RAB3IP: variants seen among roughly 807,000 people sequenced by gnomAD.
RAB3IP encodes RAB3A interacting protein.
A neutral mutation model predicts 59.1 loss-of-function variants in RAB3IP; 36 were observed. The ratio of observed to expected loss-of-function variants is 0.61; its 90% CI spans 0.47 to 0.80. The LOEUF is 0.80. Among genes scored for constraint, RAB3IP ranks in the 30% least tolerant of loss-of-function variants. The pLI is 0.00. For synonymous variants in RAB3IP, 207 were observed against 191.2 expected, an observed-to-expected ratio of 1.08 and a Z score of -0.68; for missense variants, 511 against 536.0, an observed-to-expected ratio of 0.95 and a Z score of 0.46.
intron 3 of RAB3IP, among the ~76,000 whole-genome samples, chr12:69,782,136 A>G (rs569545069): frequency 5.9e-5 from 9 of 152,234 alleles, no homozygotes; most frequent in Admixed American, 3.3e-4. Flanking sequence ...CCATTCTAGT[A>G]GGTATGCAGG....
At chr12:69,808,847 T>C (rs1233189152) in intron 8 of RAB3IP, among the ~76,000 whole-genome samples, 1 of 152,182 alleles carries the variant, frequency 6.6e-6, no homozygotes, top group Non-Finnish European at 1.5e-5. Flanking sequence ...TCTTGACTCT[T>C]TATCCAATTT....
At chr12:69,784,371 TGGAA>T (rs1875274287) in intron 3 of RAB3IP, among the ~76,000 whole-genome samples, 1 of 151,442 alleles carries the variant, frequency 6.6e-6, no homozygotes, top group Non-Finnish European at 1.5e-5. Flanking sequence ...CCTTACTTGA[TGGAA>T]ATAAATATGT....
chr12:69,762,309 T>G (rs181491447), intron 3 of RAB3IP, among the ~76,000 whole-genome samples: 3 of 152,258 alleles, frequency 2.0e-5, no homozygotes, highest in Admixed American at 6.5e-5. Flanking sequence ...TGCATTCTTA[T>G]TAAGTATAGA....
intron 1 of RAB3IP, among the ~76,000 whole-genome samples, chr12:69,750,478 A>C (rs910988839): frequency 6.6e-6 from 1 of 151,908 alleles, no homozygotes; most frequent in Admixed American, 6.5e-5. Context: ...TCAAAGAAGA[A>C]TCCAAACAAG....
intron 6 of RAB3IP, among the ~76,000 whole-genome samples, chr12:69,796,883 T>C (rs1290321988): frequency 6.6e-6 from 1 of 152,250 alleles, no homozygotes; most frequent in Non-Finnish European, 1.5e-5. Flanking sequence ...AAGTGTCTTC[T>C]CATGGAACAT....
intron 3 of RAB3IP, among the ~76,000 whole-genome samples, chr12:69,772,324 AGG>A (rs1873265159): frequency 6.6e-6 from 1 of 152,120 alleles, no homozygotes; most frequent in Non-Finnish European, 1.5e-5. Flanking sequence ...TCTTGTAGGC[AGG>A]CAGCATGGAG....
chr12:69,813,153 T>A, intron 10 of RAB3IP, 120 bp downstream of exon 10: 1 of 678,200 alleles, frequency 1.5e-6, no homozygotes, highest in Non-Finnish European at 2.5e-6. Flanking sequence ...GTTGGTACAT[T>A]TATATTGAAT....
chr12:69,787,767 A>G (rs1016732734), intron 4 of RAB3IP, among the ~76,000 whole-genome samples: 1 of 150,724 alleles, frequency 6.6e-6, no homozygotes, highest in Non-Finnish European at 1.5e-5. Context: ...AGTACGAGAA[A>G]AATTTGAGCA....
chr12:69,808,097 T>A (rs2136274554), intron 8 of RAB3IP, among the ~76,000 whole-genome samples: 1 of 152,376 alleles, frequency 6.6e-6, no homozygotes, highest in Non-Finnish European at 1.5e-5. Flanking sequence ...TGTGTCTTTG[T>A]TCTCGTTGGT....
chr12:69,793,991 A>G (rs1385546451), intron 4 of RAB3IP, among the ~76,000 whole-genome samples: 2 of 152,218 alleles, frequency 1.3e-5, no homozygotes, highest in Non-Finnish European at 2.9e-5. Flanking sequence ...TGAAAGCTCT[A>G]AGGCTTCTTA....
At chr12:69,806,965 C>G (rs922267794) in intron 8 of RAB3IP, among the ~76,000 whole-genome samples, 1 of 152,186 alleles carries the variant, frequency 6.6e-6, no homozygotes, top group African/African-American at 2.4e-5. Flanking sequence ...ATGGAGTCTC[C>G]TATGTCTACT....
At chr12:69,781,315 C>G (rs1380384400) in intron 3 of RAB3IP, among the ~76,000 whole-genome samples, 6 of 152,042 alleles carry the variant, frequency 3.9e-5, no homozygotes, top group African/African-American at 4.8e-5. Flanking sequence ...CAGCATCCCC[C>G]CCGTTAGCAT....
chr12:69,773,396 T>C (rs1565894381), intron 3 of RAB3IP, among the ~76,000 whole-genome samples: 1 of 110,298 alleles, frequency 9.1e-6, no homozygotes. Context: ...CCCATTTGTC[T>C]TTCTTTTTTT....
chr12:69,814,275 C>G (rs1389970568), intron 10 of RAB3IP, among the ~76,000 whole-genome samples: 2 of 152,066 alleles, frequency 1.3e-5, no homozygotes, highest in Non-Finnish European at 2.9e-5. Flanking sequence ...GAAAGTGTTA[C>G]GAGTAATGAA....
At chr12:69,757,642 A>G (rs988344710) in intron 3 of RAB3IP, among the ~76,000 whole-genome samples, 1 of 152,052 alleles carries the variant, frequency 6.6e-6, no homozygotes, top group Non-Finnish European at 1.5e-5. Context: ...CCAACCTACC[A>G]TGACATTTCA....
intron 4 of RAB3IP, among the ~76,000 whole-genome samples, chr12:69,787,203 T>C (rs1230871110): frequency 1.3e-5 from 2 of 152,156 alleles, no homozygotes; most frequent in Non-Finnish European, 2.9e-5. Flanking sequence ...TTATACTTTG[T>C]ATGTAGCAAA....
At chr12:69,801,433 G>A (rs1183162844) in intron 7 of RAB3IP, among the ~76,000 whole-genome samples, 176 bp from the exon 8 acceptor site, 1 of 152,108 alleles carries the variant, frequency 6.6e-6, no homozygotes, top group Admixed American at 6.5e-5. Flanking sequence ...TCATAACAGT[G>A]TTTGGATTAT....
chr12:69,796,187 C>CT (rs1877406270), intron 6 of RAB3IP: 2 of 152,470 alleles, frequency 1.3e-5, no homozygotes, highest in Admixed American at 1.3e-4. Flanking sequence ...ATAATCCCAG[C>CT]TACTCAGGAG....
chr12:69,787,863 C>T (rs1875951966), intron 4 of RAB3IP, among the ~76,000 whole-genome samples: 1 of 152,064 alleles, frequency 6.6e-6, no homozygotes, highest in Non-Finnish European at 1.5e-5. Flanking sequence ...TCTATATGAA[C>T]ATATATGTGT....
Sources: allele counts gnomAD v4.1 joint callset (sites outside exome capture counted in the v4.1 genomes callset), GRCh38; gene constraint gnomAD v4.1.1; transcripts MANE v1.5; gene names NCBI Gene and HGNC (gene_info 2026-07-23, HGNC 2026-07-21).